CACNB2: variants seen among roughly 807,000 people sequenced by gnomAD.
The protein encoded by CACNB2 is voltage-dependent L-type calcium channel subunit beta-2.
Under a neutral mutation model 73.3 loss-of-function variants are expected in CACNB2, and 42 were observed. That is an observed-to-expected ratio of 0.57 (90% CI 0.45 to 0.74). The LOEUF (loss-of-function observed/expected upper bound fraction) is 0.74, where lower values mean the gene tolerates loss of function less well. CACNB2 is among the 30% of genes least tolerant of loss of function. The pLI is 0.00. For synonymous variants in CACNB2, 348 were observed against 310.3 expected (o/e 1.12, Z -1.28); for missense variants, 940 against 853.0 (o/e 1.10, Z -1.27).
At chr10:18,526,350 C>G (rs558027941) in intron 9 of CACNB2, among the ~76,000 whole-genome samples, 1 of 152,320 alleles carries the variant, frequency 6.6e-6, no homozygotes. Flanking sequence ...TGCTCCTGTT[C>G]TGTCTAGGGT....
intron 2 of CACNB2, among the ~76,000 whole-genome samples, 159 bp from the exon 3 acceptor site, chr10:18,401,765 G>T (rs1446905167): frequency 6.6e-6 from 1 of 152,156 alleles, no homozygotes; most frequent in Non-Finnish European, 1.5e-5. Flanking sequence ...GCAAACCAGA[G>T]CATGGTTTTC....
At chr10:18,442,781 C>A (rs1381438728) in intron 3 of CACNB2, among the ~76,000 whole-genome samples, 1 of 148,722 alleles carries the variant, frequency 6.7e-6, no homozygotes, top group Non-Finnish European at 1.5e-5. Flanking sequence ...GCCGAGATGG[C>A]GCCATTGCAC....
intron 3 of CACNB2, among the ~76,000 whole-genome samples, chr10:18,437,875 G>A (rs2046215297): frequency 1.3e-5 from 2 of 151,984 alleles, no homozygotes; most frequent in Non-Finnish European, 2.9e-5. Context: ...TTTTGTAATC[G>A]AGGCAAATTG....
rs76464871 is a variant in CACNB2, at chr10:18,444,104, T to C, written c.333+42061T>C. On this transcript the variant is annotated intron_variant, in intron 3 of 13. Transcript: ENST00000324631. ...ATTCTCCCTGCTGTGGTCTAAATGT[T>C]CGTGTCCCCAGAATTCAAATGTTGA... Among the ~76,000 whole-genome samples the C allele has an allele frequency of 4.0e-3, 606 of 152,236 alleles. 5 individuals are homozygous for C. Among genetic ancestry groups the C allele is most frequent in the African/African-American group, 0.014 (582 of 41,542 alleles).
chr10:18,519,522 A>T (rs1244509153), intron 9 of CACNB2, among the ~76,000 whole-genome samples: 3 of 152,082 alleles, frequency 2.0e-5, no homozygotes, highest in Non-Finnish European at 4.4e-5. Context: ...CCAACCCACC[A>T]TGTGGGCACT....
At chr10:18,289,399 A>G (rs1206595190) in intron 2 of CACNB2, among the ~76,000 whole-genome samples, 1 of 145,330 alleles carries the variant, frequency 6.9e-6, no homozygotes. Context: ...GGTTCATGCC[A>G]TTCTCCTGCC....
rs1330427528 is a variant in CACNB2 at position 18,199,977 on chromosome 10, GTGTGTGTC to G, written c.213+49006_213+49013del. The stretch of plus-strand genomic sequence containing the variant: ...TGTGTGTGTGTGTGTGTGTGTGTGT[GTGTGTGTC>G]TGTATTGTTGTAAACAAAGATGAGC... On this transcript the variant is annotated intron_variant, in intron 2 of 13. Transcript: ENST00000324631. 3.3e-4 allele frequency among the ~76,000 whole-genome samples: 47 copies of G among 143,146 alleles called. 1 individual carries two copies. The highest frequency in any genetic ancestry group is 1.3e-3 in the African/African-American group (43 of 33,204). 93.9% of individuals were successfully genotyped at this position (143,146 alleles called of 152,430 possible). A position where few individuals can be genotyped will look rare whatever the true frequency, so the allele number is the denominator to read the frequency against.
intron 2 of CACNB2, among the ~76,000 whole-genome samples, chr10:18,306,112 G>C (rs1471467878): frequency 3.3e-5 from 5 of 152,198 alleles, no homozygotes; most frequent in Non-Finnish European, 7.3e-5. Context: ...AATTCAGCAA[G>C]CAGGCATTTA....
intron 3 of CACNB2, among the ~76,000 whole-genome samples, chr10:18,469,157 T>C (rs1268287633): frequency 6.6e-6 from 1 of 152,074 alleles, no homozygotes; most frequent in East Asian, 1.9e-4. Context: ...GGAGGATTGC[T>C]TGGGCCCAGG....
chr10:18,370,710 T>C (rs763022856), intron 2 of CACNB2, among the ~76,000 whole-genome samples: 21 of 152,244 alleles, frequency 1.4e-4, no homozygotes, highest in Non-Finnish European at 2.5e-4. Context: ...ACTTAAAATT[T>C]CCATCATTCT....
chr10:18,238,142 G>C (rs1461471304), intron 2 of CACNB2, among the ~76,000 whole-genome samples: 1 of 152,150 alleles, frequency 6.6e-6, no homozygotes, highest in Non-Finnish European at 1.5e-5. Flanking sequence ...CTTGCATTTG[G>C]CATGTGGTTT....
chr10:18,322,627 T>TA (rs2040435379), intron 2 of CACNB2, among the ~76,000 whole-genome samples: 1 of 152,230 alleles, frequency 6.6e-6, no homozygotes. Flanking sequence ...TTTAATGTTC[T>TA]ATTAATCTCT....
At position 18,400,564 on chromosome 10, in the gene CACNB2, C is replaced by G. The variant is rs896799654; in HGVS notation, c.214-1360C>G. ...GTGCGTCCTCCTCCCTCCGCCTCCC[C>G]CCTCCCCCTCGAGATCTCCAAAGAT... On this transcript the variant is annotated intron_variant, in intron 2 of 13. Coordinates refer to ENST00000324631, the MANE Select transcript of CACNB2 (RefSeq NM_201596.3). 9 of 1,021,442 alleles carry G rather than the reference C, an allele frequency of 8.8e-6. No homozygotes were observed. The South Asian group carries it at 1.2e-4, about 13-fold the overall frequency. The allele number at this position is 1,021,442 out of a possible 1,614,324, so 63.3% of individuals were successfully genotyped here.
At chr10:18,413,191 C>T (rs1385235862) in intron 3 of CACNB2, among the ~76,000 whole-genome samples, 4 of 152,282 alleles carry the variant, frequency 2.6e-5, no homozygotes, top group African/African-American at 7.2e-5. Flanking sequence ...AGGCTGGTCT[C>T]GAACTCCTGA....
At chr10:18,268,184 G>C (rs1196307281) in intron 2 of CACNB2, among the ~76,000 whole-genome samples, 1 of 152,312 alleles carries the variant, frequency 6.6e-6, no homozygotes, top group South Asian at 2.1e-4. Context: ...AATTATGTAG[G>C]AATGTAGTGG....
chr10:18,338,792 G>A (rs2041116197), intron 2 of CACNB2, among the ~76,000 whole-genome samples: 1 of 132,938 alleles, frequency 7.5e-6, no homozygotes, highest in South Asian at 2.4e-4. Context: ...AGGCTGCAGT[G>A]CAGTGGTATG....
At chr10:18,290,106 CT>C (rs2038998237) in intron 2 of CACNB2, among the ~76,000 whole-genome samples, 4 of 40,074 alleles carry the variant, frequency 1.0e-4, no homozygotes, top group African/African-American at 3.1e-4. Flanking sequence ...TTTCTTTTTT[CT>C]TTTTCTTTTT....
rs542644357 is a variant in CACNB2 at position 18,437,156 on chromosome 10, A to G, written c.333+35113A>G. ...ATGGTAAACTCAAACATTCAAAACAAATACTGTTTCCAATTAGTTGAAAGG... is the reference window on the plus strand; with the variant it reads ...ATGGTAAACTCAAACATTCAAAACAGATACTGTTTCCAATTAGTTGAAAGG... On this transcript the variant is annotated intron_variant, in intron 3 of 13. Coordinates refer to ENST00000324631, the MANE Select transcript of CACNB2 (RefSeq NM_201596.3). 2.6e-5 allele frequency among the ~76,000 whole-genome samples: 4 copies of G among 152,354 alleles called. No homozygotes were observed. In the South Asian group the frequency reaches 8.3e-4, roughly 32 times the overall value.
chr10:18,524,124 C>T (rs971488274), intron 9 of CACNB2, among the ~76,000 whole-genome samples: 5 of 150,784 alleles, frequency 3.3e-5, no homozygotes, highest in Non-Finnish European at 4.4e-5. Context: ...AAGCAATCTT[C>T]AGATTCACCT....
Sources: allele counts gnomAD v4.1 joint callset (sites outside exome capture counted in the v4.1 genomes callset), GRCh38; gene constraint gnomAD v4.1.1; transcripts MANE v1.5; gene names NCBI Gene and HGNC (gene_info 2026-07-23, HGNC 2026-07-21).